The following GALNTL6 variants were observed in gnomAD, a reference collection of about 807,000 sequenced individuals.
GALNTL6 encodes polypeptide N-acetylgalactosaminyltransferase-like 6.
Under a neutral mutation model 73.7 loss-of-function variants are expected in GALNTL6, and 46 were observed. That is an observed-to-expected ratio of 0.62 (90% CI 0.49 to 0.80). GALNTL6 has a LOEUF of 0.80. Among genes scored for constraint, GALNTL6 ranks in the 30% least tolerant of loss-of-function variants. GALNTL6 has a pLI of 0.00. For synonymous variants in GALNTL6, 259 were observed against 263.7 expected, an observed-to-expected ratio of 0.98 and a Z score of 0.17; for missense variants, 604 against 755.0, an observed-to-expected ratio of 0.80 and a Z score of 2.34.
intron 2 of GALNTL6, among the ~76,000 whole-genome samples, chr4:172,044,955 T>C (rs2110846816): frequency 6.6e-6 from 1 of 152,058 alleles, no homozygotes; most frequent in South Asian, 2.1e-4. Flanking sequence ...TAGATAGTTA[T>C]TGGATGAAAA....
chr4:172,955,686 C>A (rs943141746), intron 10 of GALNTL6, among the ~76,000 whole-genome samples: 1 of 152,140 alleles, frequency 6.6e-6, no homozygotes, highest in Admixed American at 6.6e-5. Context: ...GAAGACACCA[C>A]CAAACAGGCT....
intron 3 of GALNTL6, among the ~76,000 whole-genome samples, chr4:172,265,006 ATTG>A (rs1738404296): frequency 6.6e-6 from 1 of 151,916 alleles, no homozygotes; most frequent in Non-Finnish European, 1.5e-5. Context: ...AAAAGCTGGT[ATTG>A]TTGTTAGTGA....
At chr4:172,370,225 G>A (rs192045210) in intron 5 of GALNTL6, among the ~76,000 whole-genome samples, 351 of 152,200 alleles carry the variant, frequency 2.3e-3, no homozygotes, top group African/African-American at 8.1e-3. Flanking sequence ...GCTCATTTGG[G>A]GTTCCATTTG....
chr4:172,998,809 CA>C (rs1264652799), intron 10 of GALNTL6, among the ~76,000 whole-genome samples: 1 of 151,840 alleles, frequency 6.6e-6, no homozygotes, highest in Non-Finnish European at 1.5e-5. Flanking sequence ...TGCTCACTTT[CA>C]AAAAAAGTCA....
intron 5 of GALNTL6, among the ~76,000 whole-genome samples, chr4:172,558,253 A>T (rs1736217465): frequency 6.6e-6 from 1 of 152,198 alleles, no homozygotes. Context: ...ACAAACTTCA[A>T]ACCTACCAGA....
chr4:172,137,831 T>G (rs1733677690), intron 2 of GALNTL6, among the ~76,000 whole-genome samples: 1 of 152,236 alleles, frequency 6.6e-6, no homozygotes, highest in Non-Finnish European at 1.5e-5. Flanking sequence ...TGAAAGAATC[T>G]GGTCTTTGAA....
intron 5 of GALNTL6, among the ~76,000 whole-genome samples, chr4:172,617,527 A>G (rs931011499): frequency 6.6e-6 from 1 of 151,782 alleles, no homozygotes; most frequent in Non-Finnish European, 1.5e-5. Flanking sequence ...CCCAGGCTGG[A>G]GAGTAGTGGC....
At chr4:171,884,577 G>A (rs1736554439) in intron 2 of GALNTL6, among the ~76,000 whole-genome samples, 1 of 151,632 alleles carries the variant, frequency 6.6e-6, no homozygotes, top group African/African-American at 2.4e-5. Flanking sequence ...GAGTCAGTCT[G>A]TTGAAGATAT....
chr4:172,772,315 C>T (rs1018710566), intron 5 of GALNTL6, among the ~76,000 whole-genome samples: 2 of 152,120 alleles, frequency 1.3e-5, no homozygotes, highest in Admixed American at 6.6e-5. Flanking sequence ...GAAGACAGGA[C>T]TCCAGTCTTC....
chr4:172,118,288 G>T (rs1048929373), intron 2 of GALNTL6, among the ~76,000 whole-genome samples: 2 of 151,966 alleles, frequency 1.3e-5, no homozygotes, highest in Middle Eastern at 3.2e-3. Context: ...AAGGCTGTAG[G>T]TTACTGTCAT....
intron 2 of GALNTL6, among the ~76,000 whole-genome samples, chr4:172,133,596 C>T (rs1579170481): frequency 6.6e-6 from 1 of 152,214 alleles, no homozygotes; most frequent in African/African-American, 2.4e-5. Context: ...GCAAAAGCAT[C>T]TCCTGTGCTG....
At chr4:172,276,402 A>T (rs1164317226) in intron 3 of GALNTL6, among the ~76,000 whole-genome samples, 3 of 152,230 alleles carry the variant, frequency 2.0e-5, no homozygotes, top group African/African-American at 7.2e-5. Flanking sequence ...GCCAAGGATT[A>T]TCTAACTATT....
intron 2 of GALNTL6, among the ~76,000 whole-genome samples, chr4:171,902,854 A>G (rs1737142297): frequency 6.6e-6 from 1 of 152,174 alleles, no homozygotes; most frequent in Non-Finnish European, 1.5e-5. Context: ...AGTAAATATG[A>G]TAGTTTTGAA....
intron 8 of GALNTL6, among the ~76,000 whole-genome samples, chr4:172,915,874 G>T (rs1747477063): frequency 6.6e-6 from 1 of 152,136 alleles, no homozygotes; most frequent in Non-Finnish European, 1.5e-5. Context: ...GAAAAAGAGG[G>T]AATCTTCCCT....
chr4:172,804,791 T>C (rs945617884), intron 5 of GALNTL6, among the ~76,000 whole-genome samples: 3 of 152,248 alleles, frequency 2.0e-5, no homozygotes, highest in Admixed American at 2.0e-4. Context: ...TCAGTCATTA[T>C]TCTGACATTA....
intron 5 of GALNTL6, among the ~76,000 whole-genome samples, chr4:172,386,540 A>G (rs1743479847): frequency 6.6e-6 from 1 of 152,134 alleles, no homozygotes; most frequent in South Asian, 2.1e-4. Context: ...TTATTAGGGC[A>G]ATTCTCTCAC....
intron 5 of GALNTL6, among the ~76,000 whole-genome samples, chr4:172,548,670 A>T (rs191644750): frequency 2.6e-5 from 4 of 152,308 alleles, no homozygotes; most frequent in Admixed American, 2.0e-4. Flanking sequence ...CTAAGTTCAC[A>T]TTGCCCAGCT....
At chr4:173,035,107 T>A (rs977875675) in intron 12 of GALNTL6, among the ~76,000 whole-genome samples, 18 of 151,330 alleles carry the variant, frequency 1.2e-4, no homozygotes, top group Admixed American at 1.2e-3. Context: ...TTTTTTTTTT[T>A]ATTATACTTT....
chr4:172,425,367 T>G (rs1731190221), intron 5 of GALNTL6: 1 of 152,122 alleles, frequency 6.6e-6, no homozygotes, highest in Non-Finnish European at 1.5e-5. Flanking sequence ...CCACATGTTT[T>G]CAGAGAAGGC....
Sources: allele counts gnomAD v4.1 joint callset (sites outside exome capture counted in the v4.1 genomes callset), GRCh38; gene constraint gnomAD v4.1.1; transcripts MANE v1.5; gene names NCBI Gene and HGNC (gene_info 2026-07-23, HGNC 2026-07-21).